ANTXRL: variants seen among roughly 807,000 people sequenced by gnomAD.
The protein encoded by ANTXRL is ANTXR like.
Under a neutral mutation model 75.4 loss-of-function variants are expected in ANTXRL, and 63 were observed. The observed-to-expected ratio is 0.84, with a 90% confidence interval of 0.68 to 1.03. The LOEUF (loss-of-function observed/expected upper bound fraction) is 1.03, where lower values mean the gene tolerates loss of function less well. Ranked by LOEUF, ANTXRL falls within the 50% of genes least tolerant of loss-of-function variation. The pLI, the probability that ANTXRL is intolerant of heterozygous loss-of-function variation, is 0.00. For missense variants in ANTXRL, 797 were observed against 789.4 expected (o/e 1.01, Z -0.12); for synonymous variants, 335 against 291.3 (o/e 1.15, Z -1.53).
At chr10:46,290,066 G>GT (rs1257545423) in intron 1 of ANTXRL, among the ~76,000 whole-genome samples, 1 of 62,258 alleles carries the variant, frequency 1.6e-5, no homozygotes, top group Non-Finnish European at 3.5e-5. Context: ...TTTTTTTTGA[G>GT]TTGGAGTATT....
At chr10:46,317,315 G>T (rs781807548) in intron 16 of ANTXRL, among the ~76,000 whole-genome samples, 7 of 152,158 alleles carry the variant, frequency 4.6e-5, no homozygotes, top group Non-Finnish European at 1.0e-4. Context: ...AGCTTCTAAT[G>T]AGAATTTACT....
rs1049861849 is a variant in ANTXRL at position 46,317,125 on chromosome 10, C to T, written c.1410+3809C>T. 9.2e-5 allele frequency among the ~76,000 whole-genome samples: 14 copies of T among 152,274 alleles called. No individual in the cohort carries two copies. The East Asian group carries it at 1.2e-3, about 13-fold the overall frequency. On this transcript the variant is annotated intron_variant, in intron 16 of 16. Transcript: ENST00000620264. Reference sequence around the variant, plus strand: ...TTTTCTTAAAGGTGTGTATAGCTCACATTTATTTCAATGTTTAATATTAGA... The same window carrying T: ...TTTTCTTAAAGGTGTGTATAGCTCATATTTATTTCAATGTTTAATATTAGA...
chr10:46,325,414 T>C (rs1839166921), intron 16 of ANTXRL, among the ~76,000 whole-genome samples: 1 of 152,124 alleles, frequency 6.6e-6, no homozygotes, highest in Non-Finnish European at 1.5e-5. Flanking sequence ...CCCCTGTAAC[T>C]GGTGTAATTG....
chr10:46,311,310 G>A (rs567367573), intron 14 of ANTXRL, among the ~76,000 whole-genome samples, 200 bp from the exon 15 acceptor site: 3 of 152,246 alleles, frequency 2.0e-5, no homozygotes, highest in Admixed American at 2.0e-4. Flanking sequence ...GAACCAAGGG[G>A]ACAGAGACAA....
chr10:46,325,303 G>C lies in ANTXRL; in HGVS notation c.1411-4296G>C, dbSNP rs1463874848. ...ACAATCTCCTTTCCCAGTGTCCTGGGTGTTTGCAATGAAGGCATCTACCTT... is the reference window on the plus strand; with the variant it reads ...ACAATCTCCTTTCCCAGTGTCCTGGCTGTTTGCAATGAAGGCATCTACCTT... On this transcript the variant is annotated intron_variant, in intron 16 of 16. Coordinates refer to ENST00000620264, the MANE Select transcript of ANTXRL (RefSeq NM_001278688.3). 5.9e-5 allele frequency among the ~76,000 whole-genome samples: 9 copies of C among 152,138 alleles called. No homozygotes were observed. The South Asian group carries it at 6.2e-4, about 11-fold the overall frequency.
chr10:46,329,929 C>A lies in ANTXRL; in HGVS notation c.1741C>A (p.Arg581=), dbSNP rs1428271091. Residue 581 remains arginine, a synonymous_variant, in exon 17 of 17, where the codon CGG becomes AGG. Coordinates refer to ENST00000620264, the MANE Select transcript of ANTXRL (RefSeq NM_001278688.3). ...CCCAAAGAGCTGCCTTCAACCCAGC[C>A]GGGAGTGCCTCCCCCTCACCTGCTC... ...CNPKSCLQPS[R]ECLPLTCSSR... is the part of the protein sequence containing the mutation. The A allele has an allele frequency of 1.3e-6, 2 of 1,535,788 alleles. No homozygotes were observed. Among genetic ancestry groups the A allele is most frequent in the South Asian group, 1.2e-5 (1 of 84,054 alleles).
intron 12 of ANTXRL, chr10:46,308,613 C>A (rs1565037267): frequency 2.8e-6 from 1 of 360,446 alleles, no homozygotes; most frequent in Non-Finnish European, 5.5e-6. Flanking sequence ...GGACTTGGAG[C>A]TCTCTAAACC....
Position 46,287,450 on chromosome 10 carries a change from G to T in ANTXRL, c.188G>T (p.Arg63Leu). The T allele has an allele frequency of 5.9e-6, 9 of 1,535,896 alleles. No individual in the cohort carries two copies. Among genetic ancestry groups the T allele is most frequent in the Middle Eastern group, 1.7e-4 (1 of 5,982 alleles). The change falls in exon 1 of 17, where the codon CGC becomes CTC. Residue 63 changes from arginine to leucine, a missense_variant. This residue lies in a region of ANTXRL where 262 missense variants were observed against 271.9 expected (regional missense o/e 0.96). Transcript: ENST00000620264. ...HHGPGWRQHW[R>L]QGQAGHRCQG... Reference sequence around the variant, plus strand: ...GGCCCAGGATGGAGGCAGCACTGGCGCCAGGGGCAAGCAGGTCACAGATGC... The same window carrying T: ...GGCCCAGGATGGAGGCAGCACTGGCTCCAGGGGCAAGCAGGTCACAGATGC...
At chr10:46,300,396 C>T (rs1554960205) in intron 9 of ANTXRL, among the ~76,000 whole-genome samples, 1 of 152,116 alleles carries the variant, frequency 6.6e-6, no homozygotes, top group African/African-American at 2.4e-5. Flanking sequence ...CCCAGACTCC[C>T]CCTGTTTAGC....
intron 1 of ANTXRL, among the ~76,000 whole-genome samples, chr10:46,289,121 C>T (rs1187961394): frequency 1.3e-5 from 2 of 152,136 alleles, no homozygotes; most frequent in Non-Finnish European, 2.9e-5. Flanking sequence ...ACATCTACTG[C>T]CTGCAGGCAG....
Position 46,329,625 on chromosome 10 carries a change from A to G in ANTXRL, c.1437A>G (p.Ala479=). The G allele has an allele frequency of 6.5e-7, 1 of 1,536,382 alleles. No homozygotes were observed. The highest frequency in any genetic ancestry group is 8.7e-7 in the Non-Finnish European group (1 of 1,146,796). ...GGAGGTACCTCAGCTTAGCCCTTGC[A>G]CAGTCCCAATATGCACAGGCTCCCT... ...DQGRYLSLAL[A]QSQYAQAPCC... Residue 479 remains alanine (A), a synonymous_variant, in exon 17 of 17, where the codon GCA becomes GCG. Coordinates refer to ENST00000620264, the MANE Select transcript of ANTXRL (RefSeq NM_001278688.3).
intron 9 of ANTXRL, 42 bp from the exon 10 acceptor site, chr10:46,302,680 C>A: frequency 7.1e-7 from 1 of 1,415,832 alleles, no homozygotes; most frequent in South Asian, 1.2e-5. Context: ...GAGGCAGCCC[C>A]CTACTCTTCC....
At chr10:46,326,979 C>T (rs1268128023) in intron 16 of ANTXRL, among the ~76,000 whole-genome samples, 1 of 152,048 alleles carries the variant, frequency 6.6e-6, no homozygotes, top group East Asian at 1.9e-4. Flanking sequence ...AGGAGAGAGA[C>T]AGGCTGTCTG....
rs1554964387 is a variant in ANTXRL at position 46,314,916 on chromosome 10, C to T, written c.1410+1600C>T. Among the ~76,000 whole-genome samples, 4 of 152,090 alleles carry T rather than the reference C, an allele frequency of 2.6e-5. No homozygotes were observed. In the South Asian group the frequency reaches 6.2e-4, roughly 24 times the overall value. ...AGGCCCATAGCTGTGGCTTGTAGAC[C>T]TAGGCTCCTTTCTAGCTCTTCTGCG... is the stretch of plus-strand genomic sequence containing the variant. On this transcript the variant is annotated intron_variant, in intron 16 of 16. Coordinates refer to ENST00000620264, the MANE Select transcript of ANTXRL (RefSeq NM_001278688.3).
intron 9 of ANTXRL, among the ~76,000 whole-genome samples, chr10:46,302,437 G>A (rs1443588383): frequency 3.3e-5 from 5 of 152,182 alleles, no homozygotes; most frequent in Non-Finnish European, 7.3e-5. Context: ...CTCTGAGCCT[G>A]CCCTGTGCAA....
intron 16 of ANTXRL, among the ~76,000 whole-genome samples, chr10:46,323,022 A>C (rs1839051707): frequency 1.3e-5 from 2 of 152,162 alleles, no homozygotes. Context: ...CGTTTATTTA[A>C]TGAGGATCCC....
rs80345964 is a variant in ANTXRL, at chr10:46,303,927, A to C, written c.895+1107A>C. Among the ~76,000 whole-genome samples, 949 of 151,872 alleles carry C rather than the reference A, an allele frequency of 6.2e-3. 22 individuals carry two copies. The highest frequency in any genetic ancestry group is 0.047 in the East Asian group (246 of 5,180). On this transcript the variant is annotated intron_variant, in intron 10 of 16. Coordinates refer to ENST00000620264, the MANE Select transcript of ANTXRL (RefSeq NM_001278688.3). ...GATCTGATGTTAGTATGTTCACTGA[A>C]ATCTAATTCCAGGGCCATATGGTAA... is the stretch of plus-strand genomic sequence containing the variant.
At chr10:46,327,952 G>C (rs1839306674) in intron 16 of ANTXRL, among the ~76,000 whole-genome samples, 1 of 152,160 alleles carries the variant, frequency 6.6e-6, no homozygotes, top group South Asian at 2.1e-4. Context: ...AGATGGGGAG[G>C]TCGAGGCAAA....
chr10:46,298,847 T>C (rs1837545824), intron 9 of ANTXRL, among the ~76,000 whole-genome samples: 2 of 150,812 alleles, frequency 1.3e-5, no homozygotes, highest in Admixed American at 1.3e-4. Flanking sequence ...ATGGGGTGGG[T>C]TGAGTGTGTT....
Sources: allele counts gnomAD v4.1 joint callset (sites outside exome capture counted in the v4.1 genomes callset), GRCh38; gene constraint gnomAD v4.1.1; regional missense constraint gnomAD v4.1.1; transcripts MANE v1.5; gene names NCBI Gene and HGNC (gene_info 2026-07-23, HGNC 2026-07-21).